The following CTTNBP2 variants were observed in gnomAD, a reference collection of about 807,000 sequenced individuals.
CTTNBP2 encodes cortactin binding protein 2.
Under a neutral mutation model 156.9 loss-of-function variants are expected in CTTNBP2, and 108 were observed. The observed-to-expected ratio is 0.69, with a 90% confidence interval of 0.59 to 0.81. The LOEUF (loss-of-function observed/expected upper bound fraction) is 0.81, where lower values mean the gene tolerates loss of function less well. CTTNBP2 is among the 30% of genes least tolerant of loss of function. The pLI is 0.00. For synonymous variants in CTTNBP2, 767 were observed against 751.8 expected, an observed-to-expected ratio of 1.02 and a Z score of -0.33; for missense variants, 1,924 against 2,035.4, an observed-to-expected ratio of 0.95 and a Z score of 1.05.
At chr7:117,748,631 T>A (rs1019950375) in intron 12 of CTTNBP2, among the ~76,000 whole-genome samples, 1 of 152,224 alleles carries the variant, frequency 6.6e-6, no homozygotes, top group Non-Finnish European at 1.5e-5. Flanking sequence ...GTTCTTATAG[T>A]TCCTTACCTC....
chr7:117,711,662 A>C lies in CTTNBP2; in HGVS notation c.4867T>G (p.Cys1623Gly), dbSNP rs1449741372. 2 of 1,614,060 alleles carry C rather than the reference A, an allele frequency of 1.2e-6. No individual in the cohort carries two copies. Among genetic ancestry groups the C allele is most frequent in the Non-Finnish European group, 1.7e-6 (2 of 1,179,966 alleles). ...LPVPRSKVTQ[C>G]SQNTKRSSSS... ...CTGCTTCTTTTGGTGTTCTGGGAAC[A>C]CTGGGTGACTTTACTTCTAGGAACA... is the stretch of plus-strand genomic sequence containing the variant. Residue 1623 changes from cysteine (C) to glycine (G), a missense_variant, in exon 23 of 23, where the codon TGT becomes GGT. Coordinates refer to ENST00000160373, the MANE Select transcript of CTTNBP2 (RefSeq NM_033427.3).
chr7:117,855,935 G>A (rs1055996096), intron 2 of CTTNBP2, among the ~76,000 whole-genome samples: 1 of 152,156 alleles, frequency 6.6e-6, no homozygotes, highest in Non-Finnish European at 1.5e-5. Flanking sequence ...TTATTTTTAT[G>A]CCTGCTACAT....
At chr7:117,739,937 C>T (rs755690753) in intron 14 of CTTNBP2, among the ~76,000 whole-genome samples, 1 of 152,158 alleles carries the variant, frequency 6.6e-6, no homozygotes, top group Non-Finnish European at 1.5e-5. Context: ...CAAAGTATTA[C>T]TTTAAAATAC....
chr7:117,782,373 T>C (rs2116805905), intron 6 of CTTNBP2, among the ~76,000 whole-genome samples: 1 of 152,056 alleles, frequency 6.6e-6, no homozygotes. Context: ...CTACTTTCAG[T>C]ATGTAAAATT....
intron 22 of CTTNBP2, 83 bp from the exon 23 acceptor site, chr7:117,711,865 G>A (rs1265692055): frequency 7.4e-7 from 1 of 1,353,300 alleles, no homozygotes; most frequent in Non-Finnish European, 1.0e-6. Flanking sequence ...TTGAGCAAAT[G>A]TACAGGAGTT....
chr7:117,712,885 T>G (rs1246880116), intron 22 of CTTNBP2, among the ~76,000 whole-genome samples: 2 of 152,158 alleles, frequency 1.3e-5, no homozygotes, highest in Non-Finnish European at 2.9e-5. Flanking sequence ...TTTTTCTCCA[T>G]TGAGCAATTA....
chr7:117,840,993 T>C (rs967142934), intron 2 of CTTNBP2, among the ~76,000 whole-genome samples: 2 of 152,224 alleles, frequency 1.3e-5, no homozygotes, highest in Non-Finnish European at 2.9e-5. Flanking sequence ...CTATTGCTAG[T>C]TATCTTATTA....
rs76623283 is a variant in CTTNBP2, at chr7:117,809,982, G to A, written c.414+783C>T. 5.2e-3 allele frequency among the ~76,000 whole-genome samples: 798 copies of A among 152,276 alleles called. 7 individuals are homozygous for A. The highest frequency in any genetic ancestry group is 8.6e-3 in the Non-Finnish European group (585 of 68,030). ...TCTTTTCTAATAAAAGGCATCGATAGTCTTGGCAGCATATTAGAAGGGCAA... is the reference window on the plus strand; with the variant it reads ...TCTTTTCTAATAAAAGGCATCGATAATCTTGGCAGCATATTAGAAGGGCAA... On this transcript the variant is annotated intron_variant, in intron 3 of 22. Coordinates refer to ENST00000160373, the MANE Select transcript of CTTNBP2 (RefSeq NM_033427.3).
chr7:117,722,801 G>A (rs965150612), intron 19 of CTTNBP2, among the ~76,000 whole-genome samples: 2 of 152,302 alleles, frequency 1.3e-5, no homozygotes, highest in East Asian at 3.9e-4. Context: ...ATCACTGCAC[G>A]TCTAATAAGA....
intron 16 of CTTNBP2, among the ~76,000 whole-genome samples, chr7:117,729,061 T>G (rs1482108199): frequency 6.6e-6 from 1 of 152,094 alleles, no homozygotes; most frequent in East Asian, 1.9e-4. Context: ...AGAAGGAGGG[T>G]AGAGCTCTCA....
intron 3 of CTTNBP2, among the ~76,000 whole-genome samples, chr7:117,807,813 A>G (rs2116950043): frequency 6.6e-6 from 1 of 152,322 alleles, no homozygotes; most frequent in East Asian, 1.9e-4. Flanking sequence ...AGCTCTGCAG[A>G]CGGTACTTGT....
At chr7:117,863,263 A>G (rs945692990) in intron 1 of CTTNBP2, among the ~76,000 whole-genome samples, 7 of 152,224 alleles carry the variant, frequency 4.6e-5, no homozygotes, top group African/African-American at 1.4e-4. Context: ...GTTATTTGGA[A>G]AGGCAAGCGC....
At chr7:117,726,935 TA>T (rs1167520127) in intron 17 of CTTNBP2, among the ~76,000 whole-genome samples, 2 of 152,102 alleles carry the variant, frequency 1.3e-5, no homozygotes, top group Non-Finnish European at 2.9e-5. Flanking sequence ...GCAAATAGGG[TA>T]AAAATCTTGG....
intron 2 of CTTNBP2, among the ~76,000 whole-genome samples, chr7:117,826,836 ATTATTATTATTATTATTATT>A (rs1290319513): frequency 1.6e-5 from 1 of 61,032 alleles, no homozygotes; most frequent in African/African-American, 1.2e-4. Context: ...CATTATTATT[ATTATTATTATTATTATTATT>A]ATTATTATTA....
intron 12 of CTTNBP2, chr7:117,755,608 T>G: frequency 2.2e-6 from 1 of 463,684 alleles, no homozygotes. Context: ...CATAGGGATG[T>G]TTTGAAGAAT....
intron 2 of CTTNBP2, among the ~76,000 whole-genome samples, chr7:117,846,180 T>G (rs1210393046): frequency 6.6e-6 from 1 of 152,090 alleles, no homozygotes; most frequent in Non-Finnish European, 1.5e-5. Context: ...CCATCCCTAC[T>G]CATAGCTAAT....
intron 7 of CTTNBP2, among the ~76,000 whole-genome samples, chr7:117,780,138 T>G (rs1249619829): frequency 6.6e-6 from 1 of 152,178 alleles, no homozygotes; most frequent in Non-Finnish European, 1.5e-5. Flanking sequence ...ATTTGTTGAA[T>G]GAATAAAAAA....
intron 3 of CTTNBP2, among the ~76,000 whole-genome samples, chr7:117,794,175 T>A (rs906812424): frequency 2.6e-5 from 4 of 152,224 alleles, no homozygotes; most frequent in African/African-American, 9.6e-5. Flanking sequence ...GCTTTCTGGC[T>A]AAGTGGGCAG....
chr7:117,760,905 G>A (rs558263928), intron 9 of CTTNBP2, among the ~76,000 whole-genome samples, 195 bp from the exon 10 acceptor site: 5 of 152,054 alleles, frequency 3.3e-5, no homozygotes, highest in Admixed American at 6.5e-5. Context: ...AGTTTCTTTG[G>A]AAGCACGCTG....
Sources: allele counts gnomAD v4.1 joint callset (sites outside exome capture counted in the v4.1 genomes callset), GRCh38; gene constraint gnomAD v4.1.1; transcripts MANE v1.5; gene names NCBI Gene and HGNC (gene_info 2026-07-23, HGNC 2026-07-21).